Variants in DENND1A observed in about 807,000 individuals in gnomAD.
The protein encoded by DENND1A is DENN domain containing 1A, also known as DENN domain-containing protein 1A.
DENND1A carries 51 observed loss-of-function variants against 113.7 expected under a neutral mutation model. The ratio of observed to expected loss-of-function variants is 0.45; its 90% confidence interval spans 0.36 to 0.57. The LOEUF (loss-of-function observed/expected upper bound fraction) is 0.57, where lower values mean the gene tolerates loss of function less well. Among genes scored for constraint, DENND1A ranks in the 20% least tolerant of loss-of-function variants. The pLI is 0.00. For synonymous variants in DENND1A, 565 were observed against 570.8 expected (o/e 0.99, Z 0.14); for missense variants, 1,258 against 1,395.9 (o/e 0.90, Z 1.57).
At chr9:123,818,347 G>A (rs137962442) in intron 2 of DENND1A, among the ~76,000 whole-genome samples, 29 of 151,976 alleles carry the variant, frequency 1.9e-4, no homozygotes, top group African/African-American at 6.5e-4. Context: ...CTTATGATCC[G>A]CCCGCCTAGG....
intron 10 of DENND1A, among the ~76,000 whole-genome samples, chr9:123,624,547 T>C (rs1437533698): frequency 6.6e-6 from 1 of 152,204 alleles, no homozygotes; most frequent in Non-Finnish European, 1.5e-5. Context: ...GTCAGAAAGT[T>C]CTTTCACGGA....
rs779993094 is a variant in DENND1A, at chr9:123,382,326, G to A, written c.2319C>T (p.Ile773=). 7.5e-6 allele frequency: 12 copies of A among 1,609,282 alleles called. No individual in the cohort carries two copies. The highest frequency in any genetic ancestry group is 9.3e-6 in the Non-Finnish European group (11 of 1,178,490). The part of the protein sequence containing the change: ...PQGRKTPELG[I]VPPPPIPRPA... ...GGCGGGGAATGGGCGGTGGAGGCAC[G>A]ATGCCCAGCTCTGGGGTCTTCCTGC... Residue 773 remains isoleucine, a synonymous_variant, in exon 24 of 24, where the codon ATC becomes ATT. Coordinates refer to ENST00000394215, the MANE Select transcript of DENND1A (RefSeq NM_001352964.2).
At chr9:123,410,738 T>C (rs561644864) in intron 20 of DENND1A, among the ~76,000 whole-genome samples, 2 of 152,314 alleles carry the variant, frequency 1.3e-5, no homozygotes, top group South Asian at 4.2e-4. Flanking sequence ...AAGATGGATT[T>C]GGACACGTGT....
chr9:123,637,294 G>C (rs967424215), intron 9 of DENND1A, among the ~76,000 whole-genome samples: 1 of 152,148 alleles, frequency 6.6e-6, no homozygotes, highest in African/African-American at 2.4e-5. Flanking sequence ...TGTTCATTTT[G>C]ACCAGGGATC....
intron 10 of DENND1A, among the ~76,000 whole-genome samples, chr9:123,623,409 A>G (rs1223037841): frequency 1.3e-5 from 2 of 152,226 alleles, no homozygotes; most frequent in African/African-American, 2.4e-5. Context: ...TTTTACAGAA[A>G]GATATTGCAG....
intron 2 of DENND1A, among the ~76,000 whole-genome samples, chr9:123,868,918 G>A (rs1309800227): frequency 6.6e-6 from 1 of 152,110 alleles, no homozygotes; most frequent in African/African-American, 2.4e-5. Context: ...TATATAAAAA[G>A]CACAAGCTTC....
At position 123,387,811 on chromosome 9, in the gene DENND1A, G is replaced by C; in HGVS notation, c.1679C>G (p.Ser560Cys). ...TTCCCGCTGGCATTCATCATCAGAG[G>C]AGTCTTCGGAGAGGAAGACCGCATA... is the stretch of plus-strand genomic sequence containing the variant. ...RHYAVFLSED[S>C]SDDECQREEG... is the part of the protein sequence containing the mutation. The change falls in exon 22 of 24, where the codon TCC (serine) becomes TGC (cysteine). Residue 560 changes from serine (S) to cysteine (C), a missense_variant. Coordinates refer to ENST00000394215, the MANE Select transcript of DENND1A (RefSeq NM_001352964.2). 7.8e-7 allele frequency: 1 copy of C among 1,290,010 alleles called. No individual in the cohort carries two copies. Among genetic ancestry groups the C allele is most frequent in the Non-Finnish European group, 1.0e-6 (1 of 988,910 alleles). 79.9% of individuals were successfully genotyped at this position (1,290,010 alleles called of 1,614,324 possible). A position where few individuals can be genotyped will look rare whatever the true frequency, so the allele number is the denominator to read the frequency against.
intron 2 of DENND1A, among the ~76,000 whole-genome samples, chr9:123,845,867 T>C (rs1003850553): frequency 3.9e-5 from 6 of 151,902 alleles, no homozygotes; most frequent in African/African-American, 1.5e-4. Flanking sequence ...AAATATTAGA[T>C]AAATAGGACT....
chr9:123,927,992 T>C (rs1857386603), intron 1 of DENND1A, among the ~76,000 whole-genome samples: 1 of 152,272 alleles, frequency 6.6e-6, no homozygotes, highest in Non-Finnish European at 1.5e-5. Context: ...TCTCTTCATA[T>C]TCTCTTTCGG....
At chr9:123,406,558 T>C (rs1392595351) in intron 20 of DENND1A, among the ~76,000 whole-genome samples, 1 of 152,218 alleles carries the variant, frequency 6.6e-6, no homozygotes, top group Non-Finnish European at 1.5e-5. Flanking sequence ...TAGAAACGAA[T>C]GAATGTTGCT....
intron 9 of DENND1A, among the ~76,000 whole-genome samples, chr9:123,639,039 T>TAA (rs750972974): frequency 0.052 from 1,661 of 32,078 alleles, 186 homozygotes; most frequent in African/African-American, 0.12. Flanking sequence ...GCATGAGTAG[T>TAA]AAAAAAAAAA....
intron 5 of DENND1A, among the ~76,000 whole-genome samples, chr9:123,701,555 A>T (rs953329880): frequency 6.6e-6 from 1 of 152,106 alleles, no homozygotes; most frequent in Non-Finnish European, 1.5e-5. Flanking sequence ...GAGCTTCTAG[A>T]CCCACCCCAG....
intron 19 of DENND1A, among the ~76,000 whole-genome samples, chr9:123,420,724 A>C (rs1409788751): frequency 1.3e-5 from 2 of 152,116 alleles, no homozygotes; most frequent in African/African-American, 4.8e-5. Flanking sequence ...AAGCCTTGTC[A>C]AGATCCCTGA....
At chr9:123,867,000 T>C (rs558390810) in intron 2 of DENND1A, among the ~76,000 whole-genome samples, 39 of 152,346 alleles carry the variant, frequency 2.6e-4, no homozygotes, top group African/African-American at 8.4e-4. Context: ...GGCTTCGTGA[T>C]AGCAGAAAAT....
chr9:123,680,048 C>T (rs1315252577), intron 5 of DENND1A, among the ~76,000 whole-genome samples: 1 of 152,190 alleles, frequency 6.6e-6, no homozygotes, highest in Admixed American at 6.5e-5. Context: ...ACACCCACAA[C>T]AGAGTAACAG....
intron 19 of DENND1A, among the ~76,000 whole-genome samples, chr9:123,417,267 A>ACT (rs1222731295): frequency 6.6e-6 from 1 of 152,250 alleles, no homozygotes; most frequent in Non-Finnish European, 1.5e-5. Flanking sequence ...AGTCCTATGG[A>ACT]CGTGAGGACC....
chr9:123,639,057 AAAAAAAAAAG>A (rs2061876389), intron 9 of DENND1A, among the ~76,000 whole-genome samples: 1 of 148,788 alleles, frequency 6.7e-6, no homozygotes, highest in Admixed American at 6.7e-5. Context: ...AAAAAAAAAA[AAAAAAAAAAG>A]AAAGAAAGAA....
chr9:123,633,068 C>T (rs931505438), intron 9 of DENND1A, among the ~76,000 whole-genome samples: 3 of 152,072 alleles, frequency 2.0e-5, no homozygotes, highest in Non-Finnish European at 4.4e-5. Flanking sequence ...CCACCATGCC[C>T]GGCTAATTTT....
At chr9:123,664,852 G>A (rs2063418763) in intron 8 of DENND1A, among the ~76,000 whole-genome samples, 1 of 152,084 alleles carries the variant, frequency 6.6e-6, no homozygotes, top group South Asian at 2.1e-4. Flanking sequence ...TCTTATAAAT[G>A]TCCCATGGCA....
Sources: gnomAD v4.1 joint callset for allele counts (sites outside exome capture counted in the v4.1 genomes callset) on GRCh38, gnomAD v4.1.1 for gene constraint, MANE v1.5 for transcripts, NCBI Gene and HGNC (gene_info 2026-07-23, HGNC 2026-07-21) for gene names.